Variants in NFE2L1 observed in about 807,000 individuals in gnomAD.
The protein encoded by NFE2L1 is NFE2 like bZIP transcription factor 1.
A neutral mutation model predicts 61.6 loss-of-function variants in NFE2L1; 18 were observed. The observed-to-expected ratio is 0.29, with a 90% CI of 0.20 to 0.43. The LOEUF is 0.43. NFE2L1 is among the 20% of genes least tolerant of loss of function. The pLI is 1.00. For synonymous variants in NFE2L1, 419 were observed against 402.7 expected, an observed-to-expected ratio of 1.04 and a Z score of -0.48; for missense variants, 827 against 973.5, an observed-to-expected ratio of 0.85 and a Z score of 2.00.
intron 1 of NFE2L1, among the ~76,000 whole-genome samples, chr17:48,050,263 G>C (rs1224305259): frequency 1.3e-5 from 2 of 152,230 alleles, no homozygotes; most frequent in East Asian, 1.9e-4. Context: ...CAGATCACCT[G>C]AGGTCAGGAG....
rs141161526 is a variant in NFE2L1 at position 48,058,383 on chromosome 17, A to G, written c.1061A>G (p.Asn354Ser). ...PLSTNYSLAP[N>S]TPINQNVSLH... Reference sequence around the variant, plus strand: ...AGCACCAACTACAGCCTTGCCCCCAACACTCCCATCAATCAGAATGTCAGC... The same window carrying G: ...AGCACCAACTACAGCCTTGCCCCCAGCACTCCCATCAATCAGAATGTCAGC... Residue 354 changes from asparagine (N) to serine (S), a missense_variant, in exon 6 of 6, where the codon AAC (asparagine) becomes AGC (serine). Asn to Ser is a conservative substitution (Grantham distance 46). Around this residue, in one of 3 missense-constraint regions of NFE2L1, gnomAD observed 667 missense variants for 748.4 expected, o/e 0.89. Transcript: ENST00000362042. 19 of 1,613,916 alleles carry G rather than the reference A, an allele frequency of 1.2e-5. No homozygotes were observed. Among genetic ancestry groups the G allele is most frequent in the African/African-American group, 2.7e-5 (2 of 74,886 alleles).
chr17:48,059,177 C>T lies in NFE2L1; in HGVS notation c.1855C>T (p.Arg619Ter), dbSNP rs781406707. Residue 619 changes from arginine (R) to a stop codon, truncating the protein, a stop_gained, in exon 6 of 6, where the codon CGA (arginine) becomes TGA (stop). Coordinates refer to ENST00000362042, the MANE Select transcript of NFE2L1 (RefSeq NM_003204.3). LOFTEE classifies it high-confidence loss of function. The surrounding 1 kb of genome is among the most constrained non-coding windows in gnomAD (Gnocchi z 6.1). ...KQMSRDEHRA[R>*]AMKIPFTNDK... ...GATGAGCCGGGATGAGCACCGAGCC[C>T]GAGCCATGAAGATCCCTTTCACCAA... 6.2e-7 allele frequency: 1 copy of T among 1,613,178 alleles called. No individual in the cohort carries two copies. Among genetic ancestry groups the T allele is most frequent in the Non-Finnish European group, 8.5e-7 (1 of 1,179,954 alleles).
At position 48,057,355 on chromosome 17, in the gene NFE2L1, C is replaced by G; in HGVS notation, c.825C>G (p.Asp275Glu). ...GTGTTTTGCCCTAGTTTCCAGCAGA[C>G]ATTTCCAGCATAACAGAAGCAGTGC... ...PFGENAEFPADISSITEAVPS... is the reference protein window; with the variant it reads ...PFGENAEFPAEISSITEAVPS... The change falls in exon 5 of 6, where the codon GAC (aspartate) becomes GAG (glutamate). Residue 275 changes from aspartate to glutamate, a missense_variant. Around this residue, in one of 3 missense-constraint regions of NFE2L1, gnomAD observed 667 missense variants for 748.4 expected, o/e 0.89. Transcript: ENST00000362042. The G allele has an allele frequency of 6.2e-7, 1 of 1,613,388 alleles. No homozygotes were observed. The highest frequency in any genetic ancestry group is 1.1e-5 in the South Asian group (1 of 90,922).
At position 48,056,890 on chromosome 17, in the gene NFE2L1, T is replaced by C. The variant is rs576168350; in HGVS notation, c.724-142T>C. 22 of 820,262 alleles carry C rather than the reference T, an allele frequency of 2.7e-5. No individual in the cohort carries two copies. The East Asian group carries it at 5.6e-4, about 21-fold the overall frequency. The allele number at this position is 820,262 out of a possible 1,614,324, so 50.8% of individuals were successfully genotyped here. On this transcript the variant is annotated intron_variant, in intron 3 of 5. Coordinates refer to ENST00000362042, the MANE Select transcript of NFE2L1 (RefSeq NM_003204.3). Reference sequence around the variant, plus strand: ...GACTCTTTCACTCTCTTCTGTTGTTTCTGGGAGTTTGGGACTCGGGGCCAG... The same window carrying C: ...GACTCTTTCACTCTCTTCTGTTGTTCCTGGGAGTTTGGGACTCGGGGCCAG...
chr17:48,059,290 A>C lies in NFE2L1; in HGVS notation c.1968A>C (p.Arg656=), dbSNP rs372179075. The C allele has an allele frequency of 3.7e-5, 59 of 1,614,196 alleles. No individual in the cohort carries two copies. The highest frequency in any genetic ancestry group is 4.7e-5 in the Non-Finnish European group (56 of 1,180,040). The part of the protein sequence containing the change: ...QLSEAQLSLI[R]DIRRRGKNKM... The stretch of plus-strand genomic sequence containing the variant: ...GTGAAGCCCAGCTGAGCCTCATCCG[A>C]GACATCCGGCGCCGGGGCAAGAACA... Residue 656 remains arginine (R), a synonymous_variant, in exon 6 of 6, where the codon CGA becomes CGC. Coordinates refer to ENST00000362042, the MANE Select transcript of NFE2L1 (RefSeq NM_003204.3). This position sits in a 1 kb window ranked among gnomAD's most constrained non-coding sequence, Gnocchi z 6.1.
intron 2 of NFE2L1, among the ~76,000 whole-genome samples, chr17:48,055,551 A>G (rs1273526810): frequency 6.9e-6 from 1 of 145,076 alleles, no homozygotes; most frequent in East Asian, 2.0e-4. Flanking sequence ...GGGTTGACTG[A>G]TGGGGATTTG....
At chr17:48,052,021 C>G (rs973292740) in intron 2 of NFE2L1, among the ~76,000 whole-genome samples, 3 of 152,154 alleles carry the variant, frequency 2.0e-5, no homozygotes, top group Non-Finnish European at 2.9e-5. Flanking sequence ...TACCTCCCCC[C>G]ACATCAGAAC....
Position 48,058,791 on chromosome 17 carries a change from T to G in NFE2L1, c.1469T>G (p.Leu490Arg). 1 of 1,614,180 alleles carries G rather than the reference T, an allele frequency of 6.2e-7. No individual in the cohort carries two copies. Among genetic ancestry groups the G allele is most frequent in the Non-Finnish European group, 8.5e-7 (1 of 1,180,030 alleles). ...SLDSSHSPSS[L>R]SSSEGSSSSS... ...GACTCGAGCCATAGCCCTTCTTCCC[T>G]AAGCAGCTCTGAAGGCAGTTCTTCC... Residue 490 changes from leucine (L) to arginine (R), a missense_variant, in exon 6 of 6, where the codon CTA becomes CGA. Physicochemically the swap from Leu to Arg is moderately radical, Grantham distance 102 (BLOSUM62 -2). Transcript: ENST00000362042.
chr17:48,049,385 TTTTC>T (rs2037185321), intron 1 of NFE2L1, among the ~76,000 whole-genome samples: 2 of 152,132 alleles, frequency 1.3e-5, no homozygotes, highest in Non-Finnish European at 2.9e-5. Context: ...TTTCCTTTTC[TTTTC>T]TTTCTTTTTT....
At chr17:48,049,099 G>A (rs555458707) in intron 1 of NFE2L1, 1 of 152,284 alleles carries the variant, frequency 6.6e-6, no homozygotes, top group East Asian at 1.9e-4. Flanking sequence ...TGTACGTATA[G>A]CTCGCTCTCC....
At chr17:48,057,181 C>G in intron 4 of NFE2L1, 60 bp downstream of exon 4, 1 of 1,595,712 alleles carries the variant, frequency 6.3e-7, no homozygotes, top group Non-Finnish European at 8.5e-7. Flanking sequence ...CCTGGTGTGT[C>G]CCTCCATGGC....
chr17:48,056,281 C>T (rs1369946378), intron 2 of NFE2L1, 105 bp from the exon 3 acceptor site: 2 of 1,338,342 alleles, frequency 1.5e-6, no homozygotes, highest in Non-Finnish European at 1.1e-6. Flanking sequence ...TGGGAGGGGC[C>T]CCACCCAGGA....
intron 4 of NFE2L1, 39 bp downstream of exon 4, chr17:48,057,160 G>A: frequency 6.2e-7 from 1 of 1,608,156 alleles, no homozygotes; most frequent in Non-Finnish European, 8.5e-7. Flanking sequence ...AAGTGAGCAG[G>A]GCAGCCTGTA....
intron 2 of NFE2L1, chr17:48,054,682 G>T: frequency 7.7e-7 from 1 of 1,290,630 alleles, no homozygotes; most frequent in South Asian, 2.5e-5. Flanking sequence ...GGGAGGATAG[G>T]CCCAGGAGGG....
rs1326199455 is a variant in NFE2L1 at position 48,051,160 on chromosome 17, G to A, written c.42G>A (p.Gln14=). 1 of 1,614,200 alleles carries A rather than the reference G, an allele frequency of 6.2e-7. No individual in the cohort carries two copies. Reference sequence around the variant, plus strand: ...AATACTTAACGGAAGGACTTCTCCAGTTCACCATTCTGCTGAGTTTGATTG... The same window carrying A: ...AATACTTAACGGAAGGACTTCTCCAATTCACCATTCTGCTGAGTTTGATTG... ...LKKYLTEGLL[Q]FTILLSLIGV... is the part of the protein sequence containing the mutation. Residue 14 remains glutamine, a synonymous_variant, in exon 2 of 6, where the codon CAG becomes CAA. Coordinates refer to ENST00000362042, the MANE Select transcript of NFE2L1 (RefSeq NM_003204.3).
rs1383285849 is a variant in NFE2L1, at chr17:48,059,432, C to G, written c.2110C>G (p.Leu704Val). 1.2e-6 allele frequency: 2 copies of G among 1,614,220 alleles called. No individual in the cohort carries two copies. Among genetic ancestry groups the G allele is most frequent in the Non-Finnish European group, 1.7e-6 (2 of 1,180,046 alleles). ...GCTGCTGCGGGAGAAAGTGGAGTTCCTGCGCTCCCTGCGACAGATGAAGCA... is the reference window on the plus strand; with the variant it reads ...GCTGCTGCGGGAGAAAGTGGAGTTCGTGCGCTCCCTGCGACAGATGAAGCA... ...ARLLREKVEF[L>V]RSLRQMKQKV... is the part of the protein sequence containing the mutation. Residue 704 changes from leucine to valine, a missense_variant, in exon 6 of 6, where the codon CTG (leucine) becomes GTG (valine). By Grantham distance (32) the Leu-to-Val change is conservative. This residue lies in a region of NFE2L1 where 86 missense variants were observed against 97.3 expected (regional missense o/e 0.88). Coordinates refer to ENST00000362042, the MANE Select transcript of NFE2L1 (RefSeq NM_003204.3). This position sits in a 1 kb window ranked among gnomAD's most constrained non-coding sequence, Gnocchi z 6.1.
intron 2 of NFE2L1, chr17:48,055,034 C>G: frequency 6.6e-7 from 1 of 1,516,766 alleles, no homozygotes; most frequent in Non-Finnish European, 8.8e-7. Context: ...CCGCCTGGAC[C>G]GCAGCTCTCA....
At position 48,058,871 on chromosome 17, in the gene NFE2L1, T is replaced by C; in HGVS notation, c.1549T>C (p.Ser517Pro). 6.2e-7 allele frequency: 1 copy of C among 1,613,774 alleles called. No homozygotes were observed. Among genetic ancestry groups the C allele is most frequent in the Non-Finnish European group, 8.5e-7 (1 of 1,180,014 alleles). ...SSSASSSASS[S>P]FSEEGAVGYS... ...CTCTGCTTCTTCCTCTGCCTCTTCCTCCTTTTCTGAGGAAGGTGCGGTTGG... is the reference window on the plus strand; with the variant it reads ...CTCTGCTTCTTCCTCTGCCTCTTCCCCCTTTTCTGAGGAAGGTGCGGTTGG... The change falls in exon 6 of 6, where the codon TCC becomes CCC. Residue 517 changes from serine (S) to proline (P), a missense_variant. Transcript: ENST00000362042.
At position 48,051,584 on chromosome 17, in the gene NFE2L1, T is replaced by C. The variant is rs941805845; in HGVS notation, c.466T>C (p.Leu156=). The part of the protein sequence containing the change: ...EQGFGEDLED[L]GAVAPPVSGD... ...GGGATTCGGTGAAGATTTGGAGGAT[T>C]TGGGGGCTGTAGCCCCCCCAGTCAG... is the stretch of plus-strand genomic sequence containing the variant. The change falls in exon 2 of 6, where the codon TTG becomes CTG. Residue 156 remains leucine, a synonymous_variant. Coordinates refer to ENST00000362042, the MANE Select transcript of NFE2L1 (RefSeq NM_003204.3). 1.9e-6 allele frequency: 3 copies of C among 1,614,060 alleles called. No individual in the cohort carries two copies. Among genetic ancestry groups the C allele is most frequent in the Non-Finnish European group, 2.5e-6 (3 of 1,180,018 alleles).
Sources: allele counts gnomAD v4.1 joint callset (sites outside exome capture counted in the v4.1 genomes callset), GRCh38; gene constraint gnomAD v4.1.1; regional missense constraint gnomAD v4.1.1; non-coding constraint Gnocchi (gnomAD v3.1); transcripts MANE v1.5; gene names NCBI Gene and HGNC (gene_info 2026-07-23, HGNC 2026-07-21).